Variants in GALNTL6 observed in about 807,000 individuals in gnomAD.
The protein encoded by GALNTL6 is polypeptide N-acetylgalactosaminyltransferase like 6, also known as polypeptide N-acetylgalactosaminyltransferase-like 6.
GALNTL6 carries 46 observed loss-of-function variants against 73.7 expected under a neutral mutation model. The observed-to-expected ratio is 0.62, with a 90% CI of 0.49 to 0.80. The LOEUF (loss-of-function observed/expected upper bound fraction) is 0.80, where lower values mean the gene tolerates loss of function less well. Ranked by LOEUF, GALNTL6 falls within the 30% of genes least tolerant of loss-of-function variation. The pLI, the probability that GALNTL6 is intolerant of heterozygous loss-of-function variation, is 0.00. For missense variants in GALNTL6, 604 were observed against 755.0 expected, an observed-to-expected ratio of 0.80 and a Z score of 2.34; for synonymous variants, 259 against 263.7, an observed-to-expected ratio of 0.98 and a Z score of 0.17.
At chr4:172,010,394 G>A (rs568159046) in intron 2 of GALNTL6, among the ~76,000 whole-genome samples, 3 of 152,006 alleles carry the variant, frequency 2.0e-5, no homozygotes, top group Non-Finnish European at 2.9e-5. Flanking sequence ...AACCATGTTA[G>A]GTAATACCTT....
chr4:172,390,527 C>A (rs1579026543), intron 5 of GALNTL6, among the ~76,000 whole-genome samples: 1 of 152,202 alleles, frequency 6.6e-6, no homozygotes, highest in African/African-American at 2.4e-5. Flanking sequence ...GGATGTGAAT[C>A]ATCCCTTTGT....
chr4:172,732,767 G>A (rs1207031396), intron 5 of GALNTL6, among the ~76,000 whole-genome samples: 1 of 152,006 alleles, frequency 6.6e-6, no homozygotes, highest in African/African-American at 2.4e-5. Context: ...TACTTTAAAG[G>A]GATGGTGACT....
chr4:172,430,644 A>T (rs1378721507), intron 5 of GALNTL6, among the ~76,000 whole-genome samples: 1 of 152,174 alleles, frequency 6.6e-6, no homozygotes, highest in East Asian at 1.9e-4. Flanking sequence ...AAAATTAAAA[A>T]AAATAAATAA....
intron 4 of GALNTL6, among the ~76,000 whole-genome samples, chr4:172,324,776 A>C (rs1163368532): frequency 6.6e-6 from 1 of 150,994 alleles, no homozygotes; most frequent in East Asian, 2.0e-4. Flanking sequence ...AAAATAATAT[A>C]CTTATAAATA....
intron 2 of GALNTL6, among the ~76,000 whole-genome samples, chr4:172,100,572 C>G (rs1202348337): frequency 6.6e-6 from 1 of 152,068 alleles, no homozygotes; most frequent in East Asian, 1.9e-4. Context: ...AAATTCCATT[C>G]TATTAAGCAA....
chr4:172,338,575 A>G (rs1741431083), intron 4 of GALNTL6, among the ~76,000 whole-genome samples: 1 of 152,148 alleles, frequency 6.6e-6, no homozygotes, highest in Non-Finnish European at 1.5e-5. Flanking sequence ...ATATTGGGCC[A>G]TGCAGTTCAA....
intron 2 of GALNTL6, among the ~76,000 whole-genome samples, chr4:172,225,440 C>A (rs1375772708): frequency 6.7e-6 from 1 of 150,132 alleles, no homozygotes; most frequent in Non-Finnish European, 1.5e-5. Flanking sequence ...TTACGGTGAC[C>A]ATTGTGTCAC....
At chr4:172,727,505 TTTATA>T (rs2111378357) in intron 5 of GALNTL6, among the ~76,000 whole-genome samples, 1 of 152,364 alleles carries the variant, frequency 6.6e-6, no homozygotes, top group East Asian at 1.9e-4. Context: ...AAATCCTGTT[TTTATA>T]AAGATAATTC....
chr4:171,853,370 C>T lies in GALNTL6; in HGVS notation c.138+38652C>T, dbSNP rs528573140. ...CACCTTCCTCCCCTTCTTTCCCCTT[C>T]TTACACTCAGCCTTCACCTTCCTTT... On this transcript the variant is annotated intron_variant, in intron 2 of 12. Transcript: ENST00000506823. Among the ~76,000 whole-genome samples, 228 of 152,022 alleles carry T rather than the reference C, an allele frequency of 1.5e-3. 1 individual carries two copies. The highest frequency in any genetic ancestry group is 2.8e-3 in the Non-Finnish European group (187 of 67,960).
chr4:172,095,369 C>T (rs760961449), intron 2 of GALNTL6, among the ~76,000 whole-genome samples: 4 of 151,868 alleles, frequency 2.6e-5, no homozygotes, highest in Non-Finnish European at 5.9e-5. Flanking sequence ...TGTGAGTAAG[C>T]GCGTGTACGA....
At chr4:172,763,534 A>G (rs1458082731) in intron 5 of GALNTL6, among the ~76,000 whole-genome samples, 3 of 152,238 alleles carry the variant, frequency 2.0e-5, no homozygotes, top group East Asian at 1.9e-4. Flanking sequence ...CTTAAAACAG[A>G]CAATTACAAT....
intron 2 of GALNTL6, among the ~76,000 whole-genome samples, chr4:172,088,838 A>T (rs1732119388): frequency 6.6e-6 from 1 of 152,184 alleles, no homozygotes; most frequent in South Asian, 2.1e-4. Context: ...GAGAGGCCAG[A>T]GAGACCTTGC....
intron 8 of GALNTL6, among the ~76,000 whole-genome samples, chr4:172,901,293 T>C (rs1200229356): frequency 6.6e-6 from 1 of 152,142 alleles, no homozygotes; most frequent in Non-Finnish European, 1.5e-5. Flanking sequence ...GAATTTGCAG[T>C]GAGACAAGAA....
intron 5 of GALNTL6, among the ~76,000 whole-genome samples, chr4:172,675,079 G>C (rs142685058): frequency 9.3e-4 from 142 of 152,246 alleles, no homozygotes; most frequent in African/African-American, 2.9e-3. Flanking sequence ...TTCTTGCACT[G>C]ATTCCTTATC....
intron 2 of GALNTL6, chr4:171,816,268 A>G (rs1734521740): frequency 6.6e-6 from 1 of 152,116 alleles, no homozygotes. Context: ...GCTAACATAA[A>G]GCGCTAATTA....
intron 2 of GALNTL6, among the ~76,000 whole-genome samples, chr4:171,909,651 A>G (rs1293356985): frequency 1.3e-5 from 2 of 152,200 alleles, no homozygotes; most frequent in African/African-American, 2.4e-5. Context: ...ATTTGACTCG[A>G]AAGTTTGCCA....
chr4:172,883,791 C>A (rs918799704), intron 8 of GALNTL6, among the ~76,000 whole-genome samples: 3 of 152,042 alleles, frequency 2.0e-5, no homozygotes, highest in Non-Finnish European at 2.9e-5. Context: ...TCCCCACCCC[C>A]ACTCCCTTCT....
At chr4:171,936,465 G>T (rs1054154441) in intron 2 of GALNTL6, among the ~76,000 whole-genome samples, 1 of 152,038 alleles carries the variant, frequency 6.6e-6, no homozygotes, top group Non-Finnish European at 1.5e-5. Context: ...GAACATTTTT[G>T]TAAGATATGG....
At chr4:172,622,367 C>T (rs1284808509) in intron 5 of GALNTL6, among the ~76,000 whole-genome samples, 1 of 151,760 alleles carries the variant, frequency 6.6e-6, no homozygotes, top group Non-Finnish European at 1.5e-5. Context: ...ATTTTAGAAA[C>T]AAGGAACAGA....
Sources: gnomAD v4.1 joint callset for allele counts (sites outside exome capture counted in the v4.1 genomes callset) on GRCh38, gnomAD v4.1.1 for gene constraint, MANE v1.5 for transcripts, NCBI Gene and HGNC (gene_info 2026-07-23, HGNC 2026-07-21) for gene names.